Variants in RYR2 observed in about 807,000 individuals in gnomAD.
The protein encoded by RYR2 is cardiac muscle ryanodine receptor-calcium release channel.
In RYR2, 227 loss-of-function variants were observed where a neutral mutation model predicts 601.1. That is an observed-to-expected ratio of 0.38 (90% CI 0.34 to 0.42). The LOEUF is 0.42. RYR2 is among the 10% of genes least tolerant of loss of function. RYR2 has a pLI of 1.00. For missense variants in RYR2, 4,646 were observed against 6,156.5 expected (o/e 0.75, Z 8.21); for synonymous variants, 2,223 against 2,175.1 (o/e 1.02, Z -0.61).
chr1:237,334,617 A>G (rs759297924), intron 3 of RYR2, among the ~76,000 whole-genome samples: 22 of 152,166 alleles, frequency 1.4e-4, no homozygotes, highest in Non-Finnish European at 2.2e-4. Context: ...TGGAGACAGT[A>G]CACAGGCAAC....
intron 1 of RYR2, among the ~76,000 whole-genome samples, chr1:237,043,519 T>C (rs1165226394): frequency 6.6e-6 from 1 of 152,126 alleles, no homozygotes; most frequent in East Asian, 1.9e-4. Context: ...CTGCAGATAC[T>C]TCCCAGGCTG....
At chr1:237,636,364 A>G (rs1680871123) in intron 44 of RYR2, among the ~76,000 whole-genome samples, 1 of 152,186 alleles carries the variant, frequency 6.6e-6, no homozygotes, top group African/African-American at 2.4e-5. Flanking sequence ...AAGACATGAA[A>G]GAGTGAAACT....
intron 1 of RYR2, among the ~76,000 whole-genome samples, chr1:237,159,180 A>C (rs959791529): frequency 1.2e-4 from 18 of 151,998 alleles, no homozygotes. Context: ...AATCCCAGCT[A>C]CTCGGGAGGC....
At chr1:237,511,822 C>A in intron 24 of RYR2, 31 bp downstream of exon 24, 2 of 993,076 alleles carry the variant, frequency 2.0e-6, no homozygotes, top group Non-Finnish European at 2.7e-6. Flanking sequence ...TATTTTCCAA[C>A]CTGCCTTCCC....
chr1:237,814,213 C>T (rs776892980), intron 100 of RYR2, among the ~76,000 whole-genome samples: 1 of 152,194 alleles, frequency 6.6e-6, no homozygotes, highest in Non-Finnish European at 1.5e-5. Flanking sequence ...TTTCAAAGTA[C>T]AGGCTTATTA....
At chr1:237,165,129 T>C (rs1423385551) in intron 1 of RYR2, among the ~76,000 whole-genome samples, 1 of 149,758 alleles carries the variant, frequency 6.7e-6, no homozygotes, top group Admixed American at 6.7e-5. Context: ...GCTAATTAAT[T>C]TTTTTTTTTG....
chr1:237,485,020 T>C (rs929422344), intron 17 of RYR2, among the ~76,000 whole-genome samples: 6 of 152,192 alleles, frequency 3.9e-5, no homozygotes, highest in Non-Finnish European at 5.9e-5. Flanking sequence ...AGCCTCAATT[T>C]TGTGTTCTAC....
chr1:237,594,894 T>TGTTTTTTTTTTTTG (rs1334728750), intron 33 of RYR2, among the ~76,000 whole-genome samples: 1 of 18,340 alleles, frequency 5.5e-5, no homozygotes, highest in East Asian at 8.0e-4. Flanking sequence ...GGGTTTTTTT[T>TGTTTTTTTTTTTTG]TTTTTTTTTT....
chr1:237,310,397 T>G (rs1694423820), intron 2 of RYR2, among the ~76,000 whole-genome samples: 1 of 152,228 alleles, frequency 6.6e-6, no homozygotes, highest in Non-Finnish European at 1.5e-5. Flanking sequence ...TGCCTTTCCT[T>G]TTGTACCTAA....
intron 101 of RYR2, among the ~76,000 whole-genome samples, chr1:237,826,401 AAACT>A (rs1354009835): frequency 6.6e-6 from 1 of 152,230 alleles, no homozygotes; most frequent in Non-Finnish European, 1.5e-5. Flanking sequence ...CATTCTCAGC[AAACT>A]AACACAAGAA....
chr1:237,669,488 G>A (rs538442323), intron 58 of RYR2, among the ~76,000 whole-genome samples: 21 of 144,696 alleles, frequency 1.5e-4, no homozygotes, highest in African/African-American at 4.7e-4. Flanking sequence ...CGGACGGGGC[G>A]GCTGGCCGGG....
At chr1:237,798,228 A>C (rs1239049885) in intron 97 of RYR2, 58 bp downstream of exon 97, 9 of 1,490,274 alleles carry the variant, frequency 6.0e-6, no homozygotes, top group African/African-American at 1.4e-5. Context: ...AAACATTAAT[A>C]CATTTTTAAA....
At chr1:237,458,289 C>T (rs111618302) in intron 16 of RYR2, among the ~76,000 whole-genome samples, 4,858 of 152,056 alleles carry the variant, frequency 0.032, 105 homozygotes, top group Non-Finnish European at 0.053. Context: ...ATTAGCCGAG[C>T]GTGGTGGCGG....
intron 29 of RYR2, among the ~76,000 whole-genome samples, chr1:237,572,456 C>A (rs1211067069): frequency 6.6e-6 from 1 of 152,138 alleles, no homozygotes; most frequent in Non-Finnish European, 1.5e-5. Flanking sequence ...GTCACATAGA[C>A]CAATCACCAT....
At chr1:237,617,843 G>T (rs895822534) in intron 38 of RYR2, among the ~76,000 whole-genome samples, 8 of 152,202 alleles carry the variant, frequency 5.3e-5, no homozygotes, top group Admixed American at 1.3e-4. Flanking sequence ...CTTTCCATTT[G>T]TGCCTACCAT....
intron 44 of RYR2, 69 bp from the exon 45 acceptor site, chr1:237,638,288 G>A: frequency 6.3e-7 from 1 of 1,596,336 alleles, no homozygotes; most frequent in African/African-American, 1.3e-5. Context: ...GTCATTTATT[G>A]TATCCAATGT....
rs867129381 is a variant in RYR2 at position 237,180,630 on chromosome 1, G to A, written c.49-89867G>A. ...TATGTATATATGTATATATGTATAT[G>A]TGTATATATGTATATGTATATGTGT... On this transcript the variant is annotated intron_variant, in intron 1 of 104. Transcript: ENST00000366574. This position sits in a 1 kb window ranked among gnomAD's most constrained non-coding sequence, Gnocchi z 5.3. 5.5e-5 allele frequency among the ~76,000 whole-genome samples: 5 copies of A among 91,364 alleles called. No individual in the cohort carries two copies. The highest frequency in any genetic ancestry group is 1.8e-4 in the African/African-American group (3 of 16,304). 59.9% of individuals were successfully genotyped at this position (91,364 alleles called of 152,430 possible).
At chr1:237,542,586 T>C (rs1669418639) in intron 25 of RYR2, among the ~76,000 whole-genome samples, 1 of 152,162 alleles carries the variant, frequency 6.6e-6, no homozygotes, top group South Asian at 2.1e-4. Flanking sequence ...GATGTTTGTG[T>C]TCTGCACTGA....
At chr1:237,675,328 T>G (rs940156231) in intron 60 of RYR2, among the ~76,000 whole-genome samples, 3 of 152,178 alleles carry the variant, frequency 2.0e-5, no homozygotes, top group African/African-American at 7.2e-5. Context: ...ATGAAAGACC[T>G]CTTCCCCGTC....
Sources: allele counts gnomAD v4.1 joint callset (sites outside exome capture counted in the v4.1 genomes callset), GRCh38; gene constraint gnomAD v4.1.1; non-coding constraint Gnocchi (gnomAD v3.1); transcripts MANE v1.5; gene names NCBI Gene and HGNC (gene_info 2026-07-23, HGNC 2026-07-21).